The following SCHIP1 variants were observed in gnomAD, a reference collection of about 807,000 sequenced individuals.
The protein encoded by SCHIP1 is schwannomin-interacting protein 1.
In SCHIP1, 8 loss-of-function variants were observed where a neutral mutation model predicts 29.7. The observed-to-expected ratio is 0.27, with a 90% CI of 0.16 to 0.49. The LOEUF (loss-of-function observed/expected upper bound fraction) is 0.49, where lower values mean the gene tolerates loss of function less well. SCHIP1 is among the 20% of genes least tolerant of loss of function. The pLI, the probability that SCHIP1 is intolerant of heterozygous loss-of-function variation, is 0.99. For missense variants in SCHIP1, 193 were observed against 294.6 expected (o/e 0.66, Z 2.52); for synonymous variants, 76 against 94.9 (o/e 0.80, Z 1.16).
the SCHIP1 span, among the ~76,000 whole-genome samples, chr3:159,597,829 G>A: frequency 5.9e-5 from 9 of 152,094 alleles, no homozygotes; most frequent in African/African-American, 1.4e-4. Context: ...GTATTAGCTC[G>A]TTTTCACACT....
the SCHIP1 span, among the ~76,000 whole-genome samples, chr3:159,563,217 C>T: frequency 6.6e-6 from 1 of 152,178 alleles, no homozygotes; most frequent in African/African-American, 2.4e-5. Flanking sequence ...GTAATACTTA[C>T]ATTTCTTTAA....
At chr3:159,579,688 GACTTTGACCTGC>G in the SCHIP1 span, among the ~76,000 whole-genome samples, 1 of 152,162 alleles carries the variant, frequency 6.6e-6, no homozygotes, top group African/African-American at 2.4e-5. Flanking sequence ...GGAAAAAGCG[GACTTTGACCTGC>G]ATTTTTGAGA....
the SCHIP1 span, among the ~76,000 whole-genome samples, chr3:159,423,200 TG>T: frequency 6.6e-6 from 1 of 152,174 alleles, no homozygotes; most frequent in Non-Finnish European, 1.5e-5. Flanking sequence ...TGCCAGACAG[TG>T]GGCACAGGTC....
chr3:159,624,395 G>A, the SCHIP1 span, among the ~76,000 whole-genome samples: 2 of 152,174 alleles, frequency 1.3e-5, no homozygotes, highest in South Asian at 4.1e-4. Flanking sequence ...GCTTCCTCTG[G>A]ACAACTCAGT....
At chr3:159,819,749 C>G in the SCHIP1 span, among the ~76,000 whole-genome samples, 2 of 152,226 alleles carry the variant, frequency 1.3e-5, no homozygotes, top group South Asian at 4.1e-4. Context: ...AGCCCTGACT[C>G]TAGACCAGGC....
chr3:159,790,887 T>C, the SCHIP1 span, among the ~76,000 whole-genome samples: 1 of 152,226 alleles, frequency 6.6e-6, no homozygotes, highest in African/African-American at 2.4e-5. Context: ...CTTAATCCTT[T>C]AAACCAAATT....
the SCHIP1 span, among the ~76,000 whole-genome samples, chr3:159,416,712 T>C: frequency 6.6e-6 from 1 of 152,262 alleles, no homozygotes. Context: ...TTAGTATTTT[T>C]AGTAGAAGAA....
intron 1 of SCHIP1, among the ~76,000 whole-genome samples, chr3:159,843,194 C>T (rs985339319): frequency 3.8e-4 from 57 of 150,924 alleles, no homozygotes; most frequent in African/African-American, 1.2e-3. Flanking sequence ...TGCATTTTTA[C>T]TAGAGACTGG....
the SCHIP1 span, among the ~76,000 whole-genome samples, chr3:159,368,586 A>G: frequency 1.3e-5 from 2 of 152,230 alleles, no homozygotes; most frequent in African/African-American, 4.8e-5. Context: ...TAAAAATTGT[A>G]TTACTTCATG....
intron 2 of SCHIP1, among the ~76,000 whole-genome samples, chr3:159,880,350 C>G (rs1716308069): frequency 6.6e-6 from 1 of 152,154 alleles, no homozygotes; most frequent in Non-Finnish European, 1.5e-5. Flanking sequence ...TGGTTAACAC[C>G]TTATTAATGT....
At chr3:159,411,200 G>C in the SCHIP1 span, among the ~76,000 whole-genome samples, 1 of 152,036 alleles carries the variant, frequency 6.6e-6, no homozygotes, top group Non-Finnish European at 1.5e-5. Flanking sequence ...GAATAAATAA[G>C]ATCTAGCATT....
At chr3:159,575,591 A>G in the SCHIP1 span, among the ~76,000 whole-genome samples, 1 of 152,076 alleles carries the variant, frequency 6.6e-6, no homozygotes, top group African/African-American at 2.4e-5. Context: ...GTATGTCACC[A>G]TGCTTGGCTA....
chr3:159,493,566 T>C, the SCHIP1 span, among the ~76,000 whole-genome samples: 2,475 of 151,778 alleles, frequency 0.016, 74 homozygotes, highest in African/African-American at 0.057. Context: ...CCTAAATATA[T>C]ATGCACCCAA....
At chr3:159,587,715 T>C in the SCHIP1 span, among the ~76,000 whole-genome samples, 4 of 152,086 alleles carry the variant, frequency 2.6e-5, no homozygotes, top group East Asian at 5.8e-4. Context: ...TGAGAACATG[T>C]GGTGTTTGGT....
the SCHIP1 span, among the ~76,000 whole-genome samples, chr3:159,726,974 C>G: frequency 3.9e-5 from 6 of 152,126 alleles, no homozygotes; most frequent in African/African-American, 1.2e-4. Context: ...TGGCGATATG[C>G]TGGAAACATA....
the SCHIP1 span, among the ~76,000 whole-genome samples, chr3:159,435,440 A>G: frequency 1.3e-5 from 2 of 152,136 alleles, no homozygotes; most frequent in Admixed American, 6.6e-5. Flanking sequence ...TCTAGCCCTC[A>G]TATGGAATCC....
the SCHIP1 span, among the ~76,000 whole-genome samples, chr3:159,522,614 T>A: frequency 6.6e-6 from 1 of 152,234 alleles, no homozygotes; most frequent in Non-Finnish European, 1.5e-5. Context: ...CTTACACCTG[T>A]AATCCCAGCA....
the SCHIP1 span, among the ~76,000 whole-genome samples, chr3:159,612,094 G>GA: frequency 6.6e-6 from 1 of 151,960 alleles, no homozygotes; most frequent in African/African-American, 2.4e-5. Flanking sequence ...AAAAATTAGT[G>GA]AAAATATAAA....
At chr3:159,592,442 A>G in the SCHIP1 span, among the ~76,000 whole-genome samples, 1 of 151,820 alleles carries the variant, frequency 6.6e-6, no homozygotes, top group Non-Finnish European at 1.5e-5. Flanking sequence ...TCACAGCTGG[A>G]TTTTTTTCCT....
Sources: allele counts gnomAD v4.1 joint callset (sites outside exome capture counted in the v4.1 genomes callset), GRCh38; gene constraint gnomAD v4.1.1; transcripts MANE v1.5; gene names NCBI Gene and HGNC (gene_info 2026-07-23, HGNC 2026-07-21).